Variants in LARP1 observed in about 807,000 individuals in gnomAD.
The protein encoded by LARP1 is la-related protein 1.
A neutral mutation model predicts 122.7 loss-of-function variants in LARP1; 36 were observed. The ratio of observed to expected loss-of-function variants is 0.29; its 90% CI spans 0.22 to 0.39. LARP1 has a LOEUF of 0.39. LARP1 is among the 10% of genes least tolerant of loss of function. The pLI, the probability that LARP1 is intolerant of heterozygous loss-of-function variation, is 1.00. For missense variants in LARP1, 1,040 were observed against 1,403.6 expected (o/e 0.74, Z 4.14); for synonymous variants, 539 against 528.7 (o/e 1.02, Z -0.27).
intron 1 of LARP1, among the ~76,000 whole-genome samples, chr5:154,740,393 CAAA>C (rs538295324): frequency 6.8e-5 from 5 of 73,404 alleles, no homozygotes; most frequent in Admixed American, 1.6e-4. Flanking sequence ...AACTCTGTCT[CAAA>C]AAAAAAAAAA....
chr5:154,714,902 G>A (rs7716580), intron 1 of LARP1, among the ~76,000 whole-genome samples: 14,996 of 152,204 alleles, frequency 0.099, 1,701 homozygotes, highest in African/African-American at 0.28. Context: ...AAATGAAGCC[G>A]GGTGCGGTGG....
chr5:154,690,556 C>T (rs1227167526), intron 1 of LARP1, among the ~76,000 whole-genome samples: 1 of 152,204 alleles, frequency 6.6e-6, no homozygotes, highest in Non-Finnish European at 1.5e-5. Flanking sequence ...TAGTGAGTAC[C>T]AGGGCAGAGA....
intron 1 of LARP1, among the ~76,000 whole-genome samples, chr5:154,728,694 T>C (rs1266020862): frequency 1.3e-5 from 2 of 149,626 alleles, no homozygotes; most frequent in African/African-American, 2.5e-5. Flanking sequence ...TTATTAATTA[T>C]AATAGAGGAT....
intron 1 of LARP1, among the ~76,000 whole-genome samples, chr5:154,728,139 A>C (rs1298765394): frequency 6.6e-6 from 1 of 152,182 alleles, no homozygotes; most frequent in African/African-American, 2.4e-5. Flanking sequence ...ATAAGTATGA[A>C]TCACTTGGCA....
chr5:154,798,017 A>T (rs1384705830), intron 8 of LARP1, among the ~76,000 whole-genome samples: 1 of 152,176 alleles, frequency 6.6e-6, no homozygotes, highest in African/African-American at 2.4e-5. Flanking sequence ...TACCACTGAA[A>T]ACAGTTTTTC....
intron 1 of LARP1, among the ~76,000 whole-genome samples, chr5:154,771,912 A>G (rs952225188): frequency 2.6e-5 from 4 of 152,224 alleles, no homozygotes; most frequent in African/African-American, 9.7e-5. Flanking sequence ...TGTGTTACCA[A>G]AGAGGACGGA....
intron 1 of LARP1, among the ~76,000 whole-genome samples, chr5:154,762,743 T>C (rs1056274384): frequency 2.0e-5 from 3 of 152,162 alleles, no homozygotes; most frequent in South Asian, 2.1e-4. Context: ...GTAATTATTC[T>C]CCAAACTAGT....
rs780785993 is a variant in LARP1 at position 154,802,292 on chromosome 5, C to T, written c.2002C>T (p.Arg668Cys). The T allele has an allele frequency of 3.1e-6, 5 of 1,614,196 alleles. No homozygotes were observed. Among genetic ancestry groups the T allele is most frequent in the South Asian group, 1.1e-5 (1 of 91,076 alleles). The change falls in exon 11 of 19, where the codon CGT becomes TGT. Residue 668 changes from arginine to cysteine, a missense_variant. By Grantham distance (180) the Arg-to-Cys change is radical. Around this residue, in one of 8 missense-constraint regions of LARP1, gnomAD observed 362 missense variants for 533.1 expected, o/e 0.68. Coordinates refer to ENST00000518297, the MANE Select transcript of LARP1 (RefSeq NM_033551.3). The surrounding 1 kb of genome is among the most constrained non-coding windows in gnomAD (Gnocchi z 5.1). ...GGACCGCACAGGCAACCACACCTCG[C>T]GTGCCAAGATGAGCGCCGAACTGGC... Reference protein sequence around the residue: ...GGDRTGNHTSRAKMSAELAKV... With the variant: ...GGDRTGNHTSCAKMSAELAKV...
chr5:154,792,468 T>C (rs1757421228), intron 3 of LARP1, among the ~76,000 whole-genome samples, 154 bp from the exon 4 acceptor site: 3 of 152,188 alleles, frequency 2.0e-5, no homozygotes, highest in Non-Finnish European at 2.9e-5. Flanking sequence ...ACTGAAACCA[T>C]CTCAGGTGTG....
At chr5:154,810,226 A>G (rs1474290596) in intron 16 of LARP1, among the ~76,000 whole-genome samples, 7 of 151,650 alleles carry the variant, frequency 4.6e-5, no homozygotes, top group Non-Finnish European at 1.0e-4. Flanking sequence ...ACTTGAGGTC[A>G]GGAGTTTGGG....
rs922329763 is a variant in LARP1, at chr5:154,783,031, G to A, written c.437-7294G>A. ...ATCTGTCCCCAGGCTGGCCTGGGAG[G>A]GACAGGCACAGGTGGGTAGTATAAC... On this transcript the variant is annotated intron_variant, in intron 1 of 18. Coordinates refer to ENST00000518297, the MANE Select transcript of LARP1 (RefSeq NM_033551.3). Among the ~76,000 whole-genome samples the A allele has an allele frequency of 3.3e-5, 5 of 152,122 alleles. No individual in the cohort carries two copies. In the East Asian group the frequency reaches 7.7e-4, roughly 24 times the overall value.
At chr5:154,739,285 G>A (rs1757090280) in intron 1 of LARP1, among the ~76,000 whole-genome samples, 1 of 152,142 alleles carries the variant, frequency 6.6e-6, no homozygotes, top group Non-Finnish European at 1.5e-5. Context: ...CTCCCAAAGT[G>A]CTGGGATTAC....
In LARP1 at chr5:154,814,085, T is replaced by C. The variant is rs375602325; in HGVS notation, c.3280T>C (p.Leu1094=). 6.2e-7 allele frequency: 1 copy of C among 1,614,012 alleles called. No homozygotes were observed. The highest frequency in any genetic ancestry group is 8.5e-7 in the Non-Finnish European group (1 of 1,179,980). Residue 1094 remains leucine (L), a synonymous_variant, in exon 19 of 19, where the codon TTG becomes CTG. Transcript: ENST00000518297. ...WTSQHSNTQT[L]GK The stretch of plus-strand genomic sequence containing the variant: ...AAGCCAGCACTCGAACACACAGACT[T>C]TGGGAAAGTGAAAAGCTCCTTAGCC...
intron 1 of LARP1, among the ~76,000 whole-genome samples, chr5:154,736,220 C>T (rs1386982067): frequency 1.3e-5 from 2 of 151,702 alleles, no homozygotes; most frequent in South Asian, 2.1e-4. Context: ...TTCAGCCTCC[C>T]GAGTAGCTGG....
At chr5:154,748,581 A>G (rs1321599797) in intron 1 of LARP1, among the ~76,000 whole-genome samples, 1 of 152,236 alleles carries the variant, frequency 6.6e-6, no homozygotes, top group African/African-American at 2.4e-5. Flanking sequence ...CTTGAAGGAC[A>G]AGTAGAATTC....
Position 154,780,915 on chromosome 5 carries a change from T to G in LARP1, c.437-9410T>G, listed in dbSNP as rs548819102. 2.6e-5 allele frequency among the ~76,000 whole-genome samples: 4 copies of G among 151,878 alleles called. No individual in the cohort carries two copies. In the East Asian group the frequency reaches 7.8e-4, roughly 29 times the overall value. ...CATCTCTACTGAAAATACAAAAAAT[T>G]AGACAGGCTTGGTGGCTCGCGCCTG... On this transcript the variant is annotated intron_variant, in intron 1 of 18. Transcript: ENST00000518297.
rs567989410 is a variant in LARP1 at position 154,695,769 on chromosome 5, C to T, written c.-180+12732C>T. Among the ~76,000 whole-genome samples the T allele has an allele frequency of 2.7e-5, 4 of 149,544 alleles. No homozygotes were observed. The South Asian group carries it at 6.4e-4, about 24-fold the overall frequency. The stretch of plus-strand genomic sequence containing the variant: ...ATACCTGTAATCCCAGCTACTTGGG[C>T]GGCTGAGGCAGGAGAATCCCTTGAA... On this transcript the variant is annotated intron_variant, in intron 1 of 18. Transcript: ENST00000687700.
At chr5:154,797,209 T>TTTG (rs1446804758) in intron 8 of LARP1, among the ~76,000 whole-genome samples, 91 of 144,748 alleles carry the variant, frequency 6.3e-4, no homozygotes, top group East Asian at 4.6e-3. Flanking sequence ...GTTATTCTGT[T>TTTG]TTGTTGTTGT....
rs540523535 is a variant in LARP1 at position 154,704,411 on chromosome 5, C to T, written c.-180+21374C>T. Among the ~76,000 whole-genome samples, 225 of 152,172 alleles carry T rather than the reference C, an allele frequency of 1.5e-3. 1 individual carries two copies. Among genetic ancestry groups the T allele is most frequent in the Non-Finnish European group, 2.6e-3 (180 of 67,998 alleles). ...CCTGTAATCCCAGCACTTTGGGAGG[C>T]CAAGGTGGGTGGACCACTGGAGGTC... On this transcript the variant is annotated intron_variant, in intron 1 of 18. Transcript: ENST00000687700.
Sources: allele counts gnomAD v4.1 joint callset (sites outside exome capture counted in the v4.1 genomes callset), GRCh38; gene constraint gnomAD v4.1.1; regional missense constraint gnomAD v4.1.1; non-coding constraint Gnocchi (gnomAD v3.1); transcripts MANE v1.5; gene names NCBI Gene and HGNC (gene_info 2026-07-23, HGNC 2026-07-21).